RP1: variants seen among roughly 807,000 people sequenced by gnomAD.
RP1 encodes the protein RP1 axonemal microtubule associated.
RP1 carries 16 observed loss-of-function variants against 14.8 expected under a neutral mutation model. That is an observed-to-expected ratio of 1.08 (90% CI 0.73 to 1.65). The LOEUF (loss-of-function observed/expected upper bound fraction) is 1.65, where lower values mean the gene tolerates loss of function less well. Ranked by LOEUF, RP1 falls within the 40% of genes most tolerant of loss-of-function variation. RP1 has a pLI of 0.00. For missense variants in RP1, 2,631 were observed against 2,535.0 expected (o/e 1.04, Z -0.81); for synonymous variants, 876 against 883.6 (o/e 0.99, Z 0.15).
At chr8:54,634,026 A>T (rs984365712), downstream of RP1, among the ~76,000 whole-genome samples, 1 of 151,670 alleles carries the variant, frequency 6.6e-6, no homozygotes, top group African/African-American at 2.4e-5. Flanking sequence ...GTGGTTTGAT[A>T]CTCTATGTAC....
chr8:54,865,944 A>G lies in RP1; in HGVS notation c.4151+28A>G, dbSNP rs535930883. On this transcript the variant is annotated intron_variant, in intron 28 of 28. Transcript: ENST00000637698. ...ATGCTCTTAATGCATTATTATGCAAAATTATGCTCTCTTTGTCCAATTTAT... is the reference window on the plus strand; with the variant it reads ...ATGCTCTTAATGCATTATTATGCAAGATTATGCTCTCTTTGTCCAATTTAT... The G allele has an allele frequency of 6.0e-5, 62 of 1,033,054 alleles. No individual in the cohort carries two copies. The East Asian group carries it at 1.9e-3, about 32-fold the overall frequency. 64.0% of individuals were successfully genotyped at this position (1,033,054 alleles called of 1,614,324 possible).
chr8:54,784,105 T>C (rs997865046), intron 24 of RP1, among the ~76,000 whole-genome samples: 2 of 152,128 alleles, frequency 1.3e-5, no homozygotes, highest in African/African-American at 2.4e-5. Flanking sequence ...GATGGTATGA[T>C]GGAAAGGTGG....
chr8:54,696,025 A>T (rs1468947781), intron 12 of RP1, among the ~76,000 whole-genome samples: 3 of 152,194 alleles, frequency 2.0e-5, no homozygotes, highest in Admixed American at 2.0e-4. Flanking sequence ...ATAAAATCAT[A>T]TAAATATATA....
chr8:54,652,462 T>C (rs1231846346), intron 4 of RP1, among the ~76,000 whole-genome samples: 1 of 152,186 alleles, frequency 6.6e-6, no homozygotes, highest in Non-Finnish European at 1.5e-5. Context: ...TGGAGTGTTC[T>C]ATAGATGTTA....
intron 3 of RP1, among the ~76,000 whole-genome samples, chr8:54,645,581 T>C (rs1806529268): frequency 6.6e-6 from 1 of 152,300 alleles, no homozygotes; most frequent in East Asian, 1.9e-4. Flanking sequence ...TTGAAGATTA[T>C]AGTTGATGTG....
intron 24 of RP1, among the ~76,000 whole-genome samples, chr8:54,793,293 AT>A (rs1454658931): frequency 6.6e-6 from 1 of 151,924 alleles, no homozygotes; most frequent in Non-Finnish European, 1.5e-5. Flanking sequence ...CTTCTAAAAA[AT>A]CTAAAGTGGA....
At chr8:54,734,753 C>A (rs1396845377) in intron 18 of RP1, 10 of 1,521,568 alleles carry the variant, frequency 6.6e-6, no homozygotes, top group Non-Finnish European at 8.8e-6. Context: ...AGGTAAACAA[C>A]ACTGGCAGTA....
At chr8:54,781,848 A>T (rs1020604655) in intron 23 of RP1, among the ~76,000 whole-genome samples, 1 of 152,198 alleles carries the variant, frequency 6.6e-6, no homozygotes, top group Non-Finnish European at 1.5e-5. Flanking sequence ...GGCCTATGTC[A>T]TCGTGACATG....
intron 25 of RP1, among the ~76,000 whole-genome samples, chr8:54,845,831 A>C (rs936809026): frequency 2.0e-5 from 3 of 152,192 alleles, no homozygotes; most frequent in Admixed American, 6.5e-5. Context: ...TGTGGTCCTC[A>C]GTACTTCTTT....
chr8:54,615,641 G>A (rs1419164184), upstream of RP1, among the ~76,000 whole-genome samples: 1 of 152,170 alleles, frequency 6.6e-6, no homozygotes, highest in Non-Finnish European at 1.5e-5. Flanking sequence ...TACGTTCACA[G>A]TCATTTCAGA....
intron 12 of RP1, chr8:54,696,269 C>T: frequency 3.1e-6 from 1 of 325,808 alleles, no homozygotes; most frequent in Non-Finnish European, 5.5e-6. Flanking sequence ...TACCATAATC[C>T]TCCTTCATTT....
chr8:54,796,957 G>A (rs1012713885), intron 24 of RP1, among the ~76,000 whole-genome samples: 2 of 152,146 alleles, frequency 1.3e-5, no homozygotes, highest in African/African-American at 4.8e-5. Context: ...AGATATTATA[G>A]GGAATGATAG....
At chr8:54,835,003 GTT>G (rs1454979315) in intron 24 of RP1, among the ~76,000 whole-genome samples, 3 of 152,048 alleles carry the variant, frequency 2.0e-5, no homozygotes, top group Non-Finnish European at 4.4e-5. Context: ...TAGAACTTAA[GTT>G]TTAAAAATAA....
intron 23 of RP1, chr8:54,781,037 G>A (rs1017727831): frequency 2.0e-6 from 2 of 984,594 alleles, no homozygotes; most frequent in Non-Finnish European, 2.4e-6. Flanking sequence ...TACTTTAAAA[G>A]TATTTTTAAC....
At chr8:54,605,495 C>A (rs1006343484) in intron 1 of RP1, among the ~76,000 whole-genome samples, 8 of 152,030 alleles carry the variant, frequency 5.3e-5, no homozygotes, top group African/African-American at 1.9e-4. Flanking sequence ...TAGTGTGGTG[C>A]TGAAAAGAAT....
chr8:54,868,153 T>C (rs977783561), intron 28 of RP1, among the ~76,000 whole-genome samples: 1 of 152,202 alleles, frequency 6.6e-6, no homozygotes, highest in Admixed American at 6.5e-5. Flanking sequence ...TCACATTCTC[T>C]TCCAAGCCAA....
At chr8:54,864,313 TAGG>T (rs1330309138) in intron 27 of RP1, among the ~76,000 whole-genome samples, 1 of 152,182 alleles carries the variant, frequency 6.6e-6, no homozygotes, top group Non-Finnish European at 1.5e-5. Flanking sequence ...GATCCAAATT[TAGG>T]AGTTTAATAA....
intron 24 of RP1, among the ~76,000 whole-genome samples, chr8:54,812,758 C>CTAT (rs1563383798): frequency 1.4e-5 from 2 of 145,804 alleles, no homozygotes; most frequent in African/African-American, 5.1e-5. Flanking sequence ...ATGTATCTAT[C>CTAT]TATCATCTAT....
chr8:54,790,557 T>A (rs1810438357), intron 24 of RP1, among the ~76,000 whole-genome samples: 1 of 123,256 alleles, frequency 8.1e-6, no homozygotes. Flanking sequence ...ACAAGTTCAG[T>A]GAACTTCAAA....
Sources: allele counts gnomAD v4.1 joint callset (sites outside exome capture counted in the v4.1 genomes callset), GRCh38; gene constraint gnomAD v4.1.1; transcripts MANE v1.5; gene names NCBI Gene and HGNC (gene_info 2026-07-23, HGNC 2026-07-21).